The following LZTFL1 variants were observed in gnomAD, a reference collection of about 807,000 sequenced individuals.
LZTFL1 encodes leucine zipper transcription factor like 1, also known as leucine zipper transcription factor-like protein 1.
Under a neutral mutation model 45.9 loss-of-function variants are expected in LZTFL1, and 25 were observed. The observed-to-expected ratio is 0.54, with a 90% CI of 0.40 to 0.76. The LOEUF (loss-of-function observed/expected upper bound fraction) is 0.76. Ranked by LOEUF, LZTFL1 falls within the 30% of genes least tolerant of loss-of-function variation. LZTFL1 has a pLI of 0.00. For missense variants in LZTFL1, 277 were observed against 331.1 expected, an observed-to-expected ratio of 0.84 and a Z score of 1.27; for synonymous variants, 93 against 117.4, an observed-to-expected ratio of 0.79 and a Z score of 1.35.
rs1428048603 is a variant in LZTFL1 at position 45,835,583 on chromosome 3, T to C, written c.323+7A>G. On this transcript the variant is annotated splice_region_variant and intron_variant, in intron 3 of 9. Transcript: ENST00000296135. Reference sequence around the variant, plus strand: ...ATTGTCACAGTTGCAAGTTCAAATTTTATTACCGGTTTTCAAGTTCAGAGA... The same window carrying C: ...ATTGTCACAGTTGCAAGTTCAAATTCTATTACCGGTTTTCAAGTTCAGAGA... The C allele has an allele frequency of 6.2e-7, 1 of 1,613,270 alleles. No individual in the cohort carries two copies. Among genetic ancestry groups the C allele is most frequent in the African/African-American group, 1.3e-5 (1 of 75,022 alleles).
At chr3:45,867,527 T>C (rs193085715) in intron 2 of LZTFL1, among the ~76,000 whole-genome samples, 2 of 152,210 alleles carry the variant, frequency 1.3e-5, no homozygotes, top group East Asian at 3.9e-4. Flanking sequence ...GTTTATATTG[T>C]TACTATTTAG....
chr3:45,833,210 A>G (rs1700878228), intron 4 of LZTFL1, 89 bp from the exon 5 acceptor site: 1 of 880,462 alleles, frequency 1.1e-6, no homozygotes, highest in Non-Finnish European at 1.9e-6. Context: ...AGTGGAAGAT[A>G]CTATATATAA....
chr3:45,856,032 C>T (rs1428837290), intron 3 of LZTFL1, among the ~76,000 whole-genome samples: 1 of 152,018 alleles, frequency 6.6e-6, no homozygotes, highest in Non-Finnish European at 1.5e-5. Context: ...ACATGCTTCA[C>T]AGAATTAGAA....
intron 4 of LZTFL1, among the ~76,000 whole-genome samples, chr3:45,853,407 T>C (rs558048460): frequency 2.6e-5 from 4 of 152,326 alleles, no homozygotes; most frequent in African/African-American, 9.6e-5. Context: ...GTGACTTACT[T>C]TGAGAGCAAT....
rs1005826864 is a variant in LZTFL1 at position 45,824,165 on chromosome 3, C to A, written c.*2149G>T. 5 of 152,062 alleles carry A rather than the reference C, an allele frequency of 3.3e-5. No individual in the cohort carries two copies. The highest frequency in any genetic ancestry group is 5.9e-5 in the Non-Finnish European group (4 of 68,026). 9.4% of individuals were successfully genotyped at this position (152,062 alleles called of 1,614,324 possible). A position where few individuals can be genotyped will look rare whatever the true frequency, so the allele number is the denominator to read the frequency against. Reference sequence around the variant, plus strand: ...TTAAACCAAAGCTGCATTGTGATGGCCATCAATGTACAGACTGCCTGTCTG... The same window carrying A: ...TTAAACCAAAGCTGCATTGTGATGGACATCAATGTACAGACTGCCTGTCTG... On this transcript the variant is annotated 3_prime_UTR_variant, in exon 10 of 10. Coordinates refer to ENST00000296135, the MANE Select transcript of LZTFL1 (RefSeq NM_020347.4).
At chr3:45,859,245 A>G (rs1455320753) in intron 2 of LZTFL1, among the ~76,000 whole-genome samples, 1 of 152,212 alleles carries the variant, frequency 6.6e-6, no homozygotes, top group Non-Finnish European at 1.5e-5. Context: ...ATTCATATCT[A>G]CCAGAAGGAC....
At chr3:45,826,479 G>A (rs1700667468) in intron 9 of LZTFL1, 147 bp from the exon 10 acceptor site, 2 of 699,758 alleles carry the variant, frequency 2.9e-6, no homozygotes, top group Non-Finnish European at 5.1e-6. Context: ...TGTTTTGATG[G>A]TGACTCAGAG....
chr3:45,874,036 A>C (rs1701710732), intron 2 of LZTFL1, among the ~76,000 whole-genome samples: 1 of 152,150 alleles, frequency 6.6e-6, no homozygotes, highest in Admixed American at 6.5e-5. Context: ...CCACTCACTA[A>C]TTCTACAAGT....
At chr3:45,911,722 C>G (rs55668304) in intron 2 of LZTFL1, among the ~76,000 whole-genome samples, 2,009 of 152,364 alleles carry the variant, frequency 0.013, 54 homozygotes, top group African/African-American at 0.045. Flanking sequence ...GCCCTCCCCG[C>G]TCATGGCTTT....
At chr3:45,906,119 G>A (rs549741544) in intron 2 of LZTFL1, among the ~76,000 whole-genome samples, 1 of 152,296 alleles carries the variant, frequency 6.6e-6, no homozygotes, top group Admixed American at 6.5e-5. Flanking sequence ...CCAATTCCAA[G>A]AGCCCACCTA....
intron 2 of LZTFL1, among the ~76,000 whole-genome samples, chr3:45,904,349 C>A (rs980875226): frequency 3.3e-5 from 5 of 152,218 alleles, no homozygotes; most frequent in African/African-American, 1.2e-4. Context: ...GTGATGCTGT[C>A]CTGCTATCTA....
chr3:45,841,882 G>A (rs1245430245), intron 1 of LZTFL1, 107 bp downstream of exon 1: 2 of 1,434,006 alleles, frequency 1.4e-6, no homozygotes, highest in Non-Finnish European at 1.9e-6. Context: ...GGTGCGGCCA[G>A]ACCCAACGAG....
At chr3:45,853,063 C>T (rs1279182369) in intron 4 of LZTFL1, among the ~76,000 whole-genome samples, 1 of 152,120 alleles carries the variant, frequency 6.6e-6, no homozygotes, top group Admixed American at 6.5e-5. Flanking sequence ...GCTGAAGAGA[C>T]CGAGGCCTTT....
chr3:45,848,896 AAT>A (rs1188494334), intron 4 of LZTFL1, among the ~76,000 whole-genome samples: 2 of 152,228 alleles, frequency 1.3e-5, no homozygotes, highest in African/African-American at 4.8e-5. Flanking sequence ...AGTTTTTTCA[AAT>A]AGTCAAAAAT....
At chr3:45,882,145 T>C (rs955861972) in intron 2 of LZTFL1, among the ~76,000 whole-genome samples, 2 of 152,228 alleles carry the variant, frequency 1.3e-5, no homozygotes, top group African/African-American at 4.8e-5. Context: ...TTTGCATTAA[T>C]TTAGTCAGAA....
rs140586460 is a variant in LZTFL1, at chr3:45,849,926, T to C, written c.-49+5060A>G. On this transcript the variant is annotated intron_variant, in intron 4 of 4. Coordinates refer to the LZTFL1 transcript ENST00000472635. The stretch of plus-strand genomic sequence containing the variant: ...AAAATTTGCATTTTAAGAGATTTAA[T>C]GTATGAATTTCTATACTTGATTTTG... Among the ~76,000 whole-genome samples, 28 of 152,362 alleles carry C rather than the reference T, an allele frequency of 1.8e-4. 1 individual carries two copies. The East Asian group carries it at 5.4e-3, about 29-fold the overall frequency.
chr3:45,836,319 A>G (rs1379921513), intron 2 of LZTFL1, among the ~76,000 whole-genome samples: 1 of 152,140 alleles, frequency 6.6e-6, no homozygotes, highest in African/African-American at 2.4e-5. Context: ...TCTACTGAAC[A>G]CTCCACAAAA....
upstream of LZTFL1, among the ~76,000 whole-genome samples, chr3:45,845,941 A>T (rs990036360): frequency 6.6e-6 from 1 of 152,232 alleles, no homozygotes; most frequent in Admixed American, 6.5e-5. Flanking sequence ...TAGCCAGCTT[A>T]TATGAGTTTG....
chr3:45,888,746 A>G (rs1384233568), intron 2 of LZTFL1, among the ~76,000 whole-genome samples: 1 of 152,318 alleles, frequency 6.6e-6, no homozygotes, highest in Non-Finnish European at 1.5e-5. Context: ...GAAAGCAAGC[A>G]CTGAGACTTA....
Sources: gnomAD v4.1 joint callset for allele counts (sites outside exome capture counted in the v4.1 genomes callset) on GRCh38, gnomAD v4.1.1 for gene constraint, MANE v1.5 for transcripts, NCBI Gene and HGNC (gene_info 2026-07-23, HGNC 2026-07-21) for gene names.